Variants in CAST observed in about 807,000 individuals in gnomAD.
CAST encodes MIR583 host.
Under a neutral mutation model 119.6 loss-of-function variants are expected in CAST, and 76 were observed. That is an observed-to-expected ratio of 0.64 (90% CI 0.53 to 0.77). The LOEUF (loss-of-function observed/expected upper bound fraction) is 0.77. Among genes scored for constraint, CAST ranks in the 30% least tolerant of loss-of-function variants. The pLI is 0.00. For missense variants in CAST, 953 were observed against 946.5 expected (o/e 1.01, Z -0.09); for synonymous variants, 319 against 331.6 (o/e 0.96, Z 0.41).
rs180790255 is a variant in CAST, at chr5:96,627,974, C to A, written c.61-47565C>A. Among the ~76,000 whole-genome samples, 368 of 152,330 alleles carry A rather than the reference C, an allele frequency of 2.4e-3. 8 individuals carry two copies. The highest frequency in any genetic ancestry group is 1.4e-3 in the Admixed American group (21 of 15,296). ...TATTTGTTGCTCCGTTGATTGACATCTGTGATTCTGTTGTAGAAACAGAAT... is the reference window on the plus strand; with the variant it reads ...TATTTGTTGCTCCGTTGATTGACATATGTGATTCTGTTGTAGAAACAGAAT... On this transcript the variant is annotated intron_variant, in intron 1 of 11. Transcript: ENST00000505143.
At chr5:96,730,613 A>T (rs757099602) in intron 8 of CAST, among the ~76,000 whole-genome samples, 167 bp from the exon 9 acceptor site, 12 of 152,210 alleles carry the variant, frequency 7.9e-5, no homozygotes, top group Non-Finnish European at 1.8e-4. Context: ...GTCCAGCTTT[A>T]TGTGGTGCTT....
At chr5:96,495,120 CT>C in the CAST span, among the ~76,000 whole-genome samples, 1,100 of 51,700 alleles carry the variant, frequency 0.021, 7 homozygotes, top group African/African-American at 0.067. Flanking sequence ...GCGAGACTGT[CT>C]CAAAAAAAAA....
Position 96,631,272 on chromosome 5 carries a change from A to T in CAST, c.61-44267A>T, listed in dbSNP as rs113288895. 4.6e-3 allele frequency among the ~76,000 whole-genome samples: 652 copies of T among 141,190 alleles called. 75 individuals carry two copies. Among genetic ancestry groups the T allele is most frequent in the African/African-American group, 0.015 (613 of 40,002 alleles). The allele number at this position is 141,190 out of a possible 152,430, so 92.6% of individuals were successfully genotyped here. On this transcript the variant is annotated intron_variant, in intron 1 of 11. Coordinates refer to the CAST transcript ENST00000505143. ...CAGCAATTAGTCCCAATTCACCTCT[A>T]TTCCCATGCCCTGGCAACCACTAAT...
At chr5:96,686,334 A>G (rs1239471026) in intron 2 of CAST, among the ~76,000 whole-genome samples, 1 of 152,186 alleles carries the variant, frequency 6.6e-6, no homozygotes, top group Non-Finnish European at 1.5e-5. Flanking sequence ...TTATTGAAGA[A>G]AAGAGTGTAG....
At chr5:96,729,013 AGAGTGGGCCT>A in intron 6 of CAST, 130 bp from the exon 7 acceptor site, 1 of 608,508 alleles carries the variant, frequency 1.6e-6, no homozygotes, top group East Asian at 2.9e-5. Context: ...GTGATCCTAA[AGAGTGGGCCT>A]GAGTGGGCCT....
the CAST span, among the ~76,000 whole-genome samples, chr5:96,123,107 A>G: frequency 5.9e-5 from 9 of 152,122 alleles, no homozygotes; most frequent in Admixed American, 2.6e-4. Flanking sequence ...TTTTTGACCT[A>G]TAGAAATGCA....
At position 96,774,460 on chromosome 5, in the gene CAST, G is replaced by C; in HGVS notation, c.*1844G>C. 2.1e-6 allele frequency: 2 copies of C among 969,224 alleles called. No individual in the cohort carries two copies. Among genetic ancestry groups the C allele is most frequent in the South Asian group, 9.5e-5 (2 of 20,966 alleles). 60.0% of individuals were successfully genotyped at this position (969,224 alleles called of 1,614,324 possible). A position where few individuals can be genotyped will look rare whatever the true frequency, so the allele number is the denominator to read the frequency against. On this transcript the variant is annotated 3_prime_UTR_variant, in exon 32 of 32. Coordinates refer to ENST00000675179, the MANE Select transcript of CAST (RefSeq NM_001750.7). Reference sequence around the variant, plus strand: ...CCCTTTTTACAGTCTAGTTAGGAGAGAGAAAATAATTGCAAATATCCACTT... The same window carrying C: ...CCCTTTTTACAGTCTAGTTAGGAGACAGAAAATAATTGCAAATATCCACTT...
chr5:96,392,140 T>C, the CAST span: 1 of 151,992 alleles, frequency 6.6e-6, no homozygotes, highest in African/African-American at 2.4e-5. Context: ...CTGAAAAAAA[T>C]TGTGACTAGG....
chr5:96,637,817 G>C (rs561378547), intron 1 of CAST, among the ~76,000 whole-genome samples: 9 of 152,188 alleles, frequency 5.9e-5, no homozygotes, highest in Non-Finnish European at 1.2e-4. Context: ...GATAATTTAA[G>C]AAACATACAA....
At chr5:96,482,805 A>G in the CAST span, among the ~76,000 whole-genome samples, 1 of 152,160 alleles carries the variant, frequency 6.6e-6, no homozygotes, top group African/African-American at 2.4e-5. Flanking sequence ...AGTGCTAGAG[A>G]GAAGTAGAGT....
the CAST span, chr5:96,278,812 A>G: frequency 6.6e-6 from 1 of 152,230 alleles, no homozygotes; most frequent in African/African-American, 2.4e-5. Flanking sequence ...TTCATCATGT[A>G]TCATGCCACA....
chr5:96,649,293 A>G (rs1748062176), intron 1 of CAST, among the ~76,000 whole-genome samples: 1 of 152,168 alleles, frequency 6.6e-6, no homozygotes, highest in Non-Finnish European at 1.5e-5. Context: ...TGTTTCTGTC[A>G]TTATACAGTC....
intron 8 of CAST, 64 bp from the exon 9 acceptor site, chr5:96,730,716 T>C (rs1438761295): frequency 2.5e-6 from 3 of 1,192,062 alleles, no homozygotes; most frequent in African/African-American, 3.0e-5. Flanking sequence ...TTGAAACTCA[T>C]GATCTTGATA....
chr5:95,996,898 T>A, the CAST span, among the ~76,000 whole-genome samples: 1 of 152,144 alleles, frequency 6.6e-6, no homozygotes, highest in Non-Finnish European at 1.5e-5. Flanking sequence ...TTTACTGATG[T>A]TAATCCAGTG....
At chr5:96,630,467 A>T (rs1193010909) in intron 1 of CAST, among the ~76,000 whole-genome samples, 1 of 152,178 alleles carries the variant, frequency 6.6e-6, no homozygotes, top group Non-Finnish European at 1.5e-5. Flanking sequence ...AAGAAAACTA[A>T]CTTCTAAACA....
chr5:96,176,110 G>A, the CAST span, among the ~76,000 whole-genome samples: 6 of 152,184 alleles, frequency 3.9e-5, no homozygotes, highest in African/African-American at 1.2e-4. Flanking sequence ...GAAGGACAAA[G>A]AGAATTTTCC....
the CAST span, among the ~76,000 whole-genome samples, chr5:96,455,885 G>A: frequency 6.6e-6 from 1 of 151,964 alleles, no homozygotes; most frequent in Non-Finnish European, 1.5e-5. Flanking sequence ...ATACCTTAAG[G>A]TCTCTGATGG....
the CAST span, among the ~76,000 whole-genome samples, chr5:96,162,236 T>C: frequency 6.6e-6 from 1 of 152,224 alleles, no homozygotes; most frequent in Non-Finnish European, 1.5e-5. Context: ...AATTATGATA[T>C]TAGCTATAGG....
chr5:96,413,953 A>G, the CAST span, among the ~76,000 whole-genome samples: 1 of 134,426 alleles, frequency 7.4e-6, no homozygotes, highest in Admixed American at 7.4e-5. Context: ...CCCTGTCTCC[A>G]CTAAAAATAC....
Sources: allele counts gnomAD v4.1 joint callset (sites outside exome capture counted in the v4.1 genomes callset), GRCh38; gene constraint gnomAD v4.1.1; transcripts MANE v1.5; gene names NCBI Gene and HGNC (gene_info 2026-07-23, HGNC 2026-07-21).